KIAA1671: variants seen among roughly 807,000 people sequenced by gnomAD.
The protein encoded by KIAA1671 is KIAA1671.
In KIAA1671, 52 loss-of-function variants were observed where a neutral mutation model predicts 131.2. The ratio of observed to expected loss-of-function variants is 0.40; its 90% CI spans 0.32 to 0.50. The LOEUF (loss-of-function observed/expected upper bound fraction) is 0.50. KIAA1671 is among the 20% of genes least tolerant of loss of function. The probability of loss-of-function intolerance (pLI) is 0.73; values close to 1 mark genes in which losing one functional copy is unlikely to be tolerated. For missense variants in KIAA1671, 2,360 were observed against 2,364.2 expected (o/e 1.00, Z 0.04); for synonymous variants, 1,003 against 961.6 (o/e 1.04, Z -0.80).
At chr22:24,959,826 A>G (rs779107716) in intron 1 of KIAA1671, among the ~76,000 whole-genome samples, 1 of 152,160 alleles carries the variant, frequency 6.6e-6, no homozygotes, top group Non-Finnish European at 1.5e-5. Flanking sequence ...AATGTTCTAT[A>G]GCCATGTCTC....
chr22:25,088,217 C>T (rs1434527568), intron 6 of KIAA1671, among the ~76,000 whole-genome samples: 4 of 151,834 alleles, frequency 2.6e-5, no homozygotes, highest in South Asian at 2.1e-4. Flanking sequence ...AAGCGATCCT[C>T]GTGCCTCAGC....
chr22:24,998,041 C>T (rs1924235186), intron 1 of KIAA1671, among the ~76,000 whole-genome samples: 5 of 152,152 alleles, frequency 3.3e-5, no homozygotes, highest in Admixed American at 3.3e-4. Flanking sequence ...TGTTGCAGTA[C>T]AAATATTCTT....
chr22:25,097,355 G>A (rs1930439328), intron 6 of KIAA1671, among the ~76,000 whole-genome samples: 2 of 152,126 alleles, frequency 1.3e-5, no homozygotes, highest in South Asian at 4.1e-4. Flanking sequence ...CTGACAATAA[G>A]GACGTGTATT....
chr22:25,081,630 T>G (rs1929412970), intron 6 of KIAA1671, among the ~76,000 whole-genome samples: 1 of 151,822 alleles, frequency 6.6e-6, no homozygotes, highest in African/African-American at 2.4e-5. Context: ...TTTTTTTTTT[T>G]TAAGCATGTG....
chr22:25,188,027 A>G (rs1455310131), intron 11 of KIAA1671, among the ~76,000 whole-genome samples: 3 of 152,206 alleles, frequency 2.0e-5, no homozygotes, highest in African/African-American at 4.8e-5. Context: ...CAGGCTGGGC[A>G]TGGTGGCTCA....
At chr22:24,954,374 A>G (rs759600034) in intron 1 of KIAA1671, among the ~76,000 whole-genome samples, 21 of 152,012 alleles carry the variant, frequency 1.4e-4, no homozygotes, top group Non-Finnish European at 2.6e-4. Context: ...GTTCCCGAGG[A>G]ATTTGTACAG....
chr22:24,970,800 A>G (rs1922574820), intron 1 of KIAA1671, among the ~76,000 whole-genome samples: 1 of 151,892 alleles, frequency 6.6e-6, no homozygotes, highest in Non-Finnish European at 1.5e-5. Flanking sequence ...GCTCATTTAA[A>G]GCTGTCCTGC....
chr22:25,049,158 T>C (rs1927398219), intron 5 of KIAA1671, 72 bp from the exon 6 acceptor site: 1 of 1,507,704 alleles, frequency 6.6e-7, no homozygotes, highest in Admixed American at 2.1e-5. Flanking sequence ...AATGGACTCT[T>C]GGCATAATAT....
chr22:24,998,458 A>G (rs1924255846), intron 1 of KIAA1671, among the ~76,000 whole-genome samples: 1 of 151,858 alleles, frequency 6.6e-6, no homozygotes, highest in African/African-American at 2.4e-5. Flanking sequence ...GGTGGCTCAC[A>G]CCTGTAATCC....
At chr22:25,044,152 C>G (rs957077789) in intron 5 of KIAA1671, among the ~76,000 whole-genome samples, 2 of 152,236 alleles carry the variant, frequency 1.3e-5, no homozygotes, top group Admixed American at 6.5e-5. Context: ...GCATCTGAAT[C>G]TCCACGCTGC....
intron 6 of KIAA1671, among the ~76,000 whole-genome samples, chr22:25,146,950 C>T (rs1394233860): frequency 6.6e-6 from 1 of 152,064 alleles, no homozygotes; most frequent in Non-Finnish European, 1.5e-5. Flanking sequence ...TTCCATCCTG[C>T]AGGGTTGGAG....
chr22:25,031,151 G>A (rs6004399), intron 3 of KIAA1671, among the ~76,000 whole-genome samples: 1 of 149,558 alleles, frequency 6.7e-6, no homozygotes, highest in Non-Finnish European at 1.5e-5. Flanking sequence ...CTCAGCCTCC[G>A]CAGTAGCTGG....
chr22:25,167,794 C>G (rs1337470382), intron 6 of KIAA1671, among the ~76,000 whole-genome samples: 1 of 152,234 alleles, frequency 6.6e-6, no homozygotes, highest in African/African-American at 2.4e-5. Context: ...ACCTCATTCA[C>G]AGTATTCCCA....
rs1202404842 is a variant in KIAA1671, at chr22:25,028,788, A to C, written c.789A>C (p.Thr263=). ...AGCCAGGCCCCGGCGCAGCGGCCAC[A>C]GTGGGCAAAGTGCCACCCACCCCTC... is the stretch of plus-strand genomic sequence containing the variant. The part of the protein sequence containing the change: ...PQKPGPGAAA[T]VGKVPPTPPE... Residue 263 remains threonine, a synonymous_variant, in exon 3 of 13, where the codon ACA becomes ACC. Transcript: ENST00000358431. 1.9e-6 allele frequency: 3 copies of C among 1,551,182 alleles called. No individual in the cohort carries two copies. The highest frequency in any genetic ancestry group is 2.7e-5 in the African/African-American group (2 of 73,078).
At chr22:24,991,286 G>A (rs1263855400) in intron 1 of KIAA1671, among the ~76,000 whole-genome samples, 2 of 151,306 alleles carry the variant, frequency 1.3e-5, no homozygotes, top group Non-Finnish European at 2.9e-5. Context: ...GCCTCCCAAA[G>A]TGCTGGGATT....
At chr22:25,065,565 G>A (rs1168952605) in intron 6 of KIAA1671, among the ~76,000 whole-genome samples, 1 of 151,706 alleles carries the variant, frequency 6.6e-6, no homozygotes, top group African/African-American at 2.4e-5. Flanking sequence ...CCCCAAAAAA[G>A]AAAAACAACA....
intron 11 of KIAA1671, among the ~76,000 whole-genome samples, chr22:25,189,710 A>G (rs1479205216): frequency 6.6e-6 from 1 of 152,244 alleles, no homozygotes; most frequent in Non-Finnish European, 1.5e-5. Context: ...AGATGGAAGG[A>G]TGAATAGCTA....
chr22:25,016,391 G>A (rs1190761112), intron 1 of KIAA1671, among the ~76,000 whole-genome samples: 2 of 152,144 alleles, frequency 1.3e-5, no homozygotes, highest in Non-Finnish European at 2.9e-5. Flanking sequence ...TTCTCCCTCC[G>A]GGGAATGTGT....
At chr22:25,112,018 T>G in intron 6 of KIAA1671, 1 of 392,810 alleles carries the variant, frequency 2.5e-6, no homozygotes, top group Non-Finnish European at 4.5e-6. Context: ...TTACTTACCC[T>G]TGGTTTGCCT....
Sources: allele counts gnomAD v4.1 joint callset (sites outside exome capture counted in the v4.1 genomes callset), GRCh38; gene constraint gnomAD v4.1.1; transcripts MANE v1.5; gene names NCBI Gene and HGNC (gene_info 2026-07-23, HGNC 2026-07-21).